The following FILIP1 variants were observed in gnomAD, a reference collection of about 807,000 sequenced individuals.
FILIP1 encodes filamin A interacting protein 1, also known as filamin-A-interacting protein 1.
FILIP1 carries 61 observed loss-of-function variants against 102.1 expected under a neutral mutation model. That is an observed-to-expected ratio of 0.60 (90% CI 0.49 to 0.74). The LOEUF (loss-of-function observed/expected upper bound fraction) is 0.74, where lower values mean the gene tolerates loss of function less well. Among genes scored for constraint, FILIP1 ranks in the 30% least tolerant of loss-of-function variants. FILIP1 has a pLI of 0.00. For missense variants in FILIP1, 1,314 were observed against 1,441.2 expected (o/e 0.91, Z 1.43); for synonymous variants, 491 against 526.9 (o/e 0.93, Z 0.93).
intron 2 of FILIP1, chr6:75,384,926 C>T (rs933321811): frequency 1.3e-5 from 2 of 149,768 alleles, no homozygotes; most frequent in East Asian, 3.9e-4. Context: ...TCCCGAGTAG[C>T]TGGGACTACA....
rs532415900 is a variant in FILIP1 at position 75,479,434 on chromosome 6, A to G, written c.-7+13980T>C. On this transcript the variant is annotated intron_variant, in intron 1 of 5. Coordinates refer to ENST00000237172, the MANE Select transcript of FILIP1 (RefSeq NM_015687.5). ...GGGTATTGAATTTTTTGTCTTTGTC[A>G]ATGTATTTGTTGAAATAATACATCT... is the stretch of plus-strand genomic sequence containing the variant. Among the ~76,000 whole-genome samples the G allele has an allele frequency of 2.6e-5, 4 of 152,242 alleles. No individual in the cohort carries two copies. In the South Asian group the frequency reaches 8.3e-4, roughly 32 times the overall value.
At chr6:75,467,844 G>A (rs553334540) in intron 1 of FILIP1, among the ~76,000 whole-genome samples, 67 of 152,306 alleles carry the variant, frequency 4.4e-4, no homozygotes, top group African/African-American at 1.5e-3. Context: ...GAATGGATAC[G>A]AAGGACAAGA....
exon 7 of FILIP1, chr6:75,295,738 A>G: frequency 2.5e-6 from 1 of 405,876 alleles, no homozygotes; most frequent in Non-Finnish European, 4.3e-6. Flanking sequence ...TATTATCAGC[A>G]AGGCCATTTT....
intron 4 of FILIP1, among the ~76,000 whole-genome samples, chr6:75,343,855 T>A (rs1337568410): frequency 6.6e-6 from 1 of 152,234 alleles, no homozygotes; most frequent in Non-Finnish European, 1.5e-5. Context: ...TTTATTATTG[T>A]AACCCTTGGT....
At chr6:75,393,665 G>A (rs866672566) in intron 2 of FILIP1, among the ~76,000 whole-genome samples, 1 of 152,090 alleles carries the variant, frequency 6.6e-6, no homozygotes, top group Admixed American at 6.6e-5. Context: ...CATATCATAA[G>A]GTAAAATAGC....
chr6:75,441,888 A>AC (rs1216283775), intron 1 of FILIP1, among the ~76,000 whole-genome samples: 137 of 109,736 alleles, frequency 1.2e-3, no homozygotes, highest in African/African-American at 4.5e-3. Context: ...CGGGGGGTAG[A>AC]CCCCCCCACC....
intron 1 of FILIP1, among the ~76,000 whole-genome samples, chr6:75,446,021 A>G (rs1454369988): frequency 1.3e-5 from 2 of 152,168 alleles, no homozygotes; most frequent in African/African-American, 2.4e-5. Context: ...TACTTTGAGA[A>G]CTAATGTCAA....
chr6:75,423,275 T>C (rs1333755968), intron 1 of FILIP1, among the ~76,000 whole-genome samples: 3 of 152,166 alleles, frequency 2.0e-5, no homozygotes, highest in African/African-American at 7.2e-5. Context: ...TAAAAATTTG[T>C]CATTTTGAAG....
chr6:75,484,553 A>G (rs958938602), intron 1 of FILIP1, among the ~76,000 whole-genome samples: 1 of 152,190 alleles, frequency 6.6e-6, no homozygotes, highest in Non-Finnish European at 1.5e-5. Context: ...AAATAGACCA[A>G]TACTTGGGCA....
chr6:75,404,027 C>A (rs940471775), intron 2 of FILIP1, among the ~76,000 whole-genome samples: 16 of 152,132 alleles, frequency 1.1e-4, no homozygotes, highest in African/African-American at 3.9e-4. Flanking sequence ...TTCTGGACCT[C>A]ATTAATTCCA....
chr6:75,481,741 G>C (rs753779633), intron 1 of FILIP1, among the ~76,000 whole-genome samples: 33 of 152,108 alleles, frequency 2.2e-4, no homozygotes, highest in Non-Finnish European at 3.7e-4. Context: ...TTGCCTGATT[G>C]AGCCCCAGGA....
chr6:75,329,778 T>C (rs1412169669), intron 4 of FILIP1, among the ~76,000 whole-genome samples: 1 of 152,204 alleles, frequency 6.6e-6, no homozygotes, highest in Non-Finnish European at 1.5e-5. Flanking sequence ...AAATTTTTAA[T>C]CTTTAATTTT....
chr6:75,445,726 T>C (rs112631704), intron 1 of FILIP1, among the ~76,000 whole-genome samples: 11 of 151,502 alleles, frequency 7.3e-5, no homozygotes, highest in African/African-American at 2.4e-4. Flanking sequence ...ATAGTCTATA[T>C]ATTTGTAGAT....
At position 75,389,510 on chromosome 6, in the gene FILIP1, T is replaced by C. The variant is rs144606950; in HGVS notation, c.276+25187A>G. On this transcript the variant is annotated intron_variant, in intron 2 of 5. Coordinates refer to ENST00000237172, the MANE Select transcript of FILIP1 (RefSeq NM_015687.5). ...GTGAATCCATCTGGTTCTGGGCTTT[T>C]TTTTGTTGGTAGGCTATTAATTACT... 9.6e-3 allele frequency among the ~76,000 whole-genome samples: 1,466 copies of C among 152,306 alleles called. 11 individuals are homozygous for C. Among genetic ancestry groups the C allele is most frequent in the Non-Finnish European group, 0.017 (1,135 of 68,018 alleles).
intron 1 of FILIP1, among the ~76,000 whole-genome samples, chr6:75,463,110 CA>C (rs1436548147): frequency 6.6e-6 from 1 of 152,146 alleles, no homozygotes; most frequent in African/African-American, 2.4e-5. Context: ...CAAGAAAGGA[CA>C]TATCTGTGAG....
intron 1 of FILIP1, among the ~76,000 whole-genome samples, chr6:75,441,438 C>G (rs746457851): frequency 5.6e-4 from 85 of 152,170 alleles, no homozygotes; most frequent in Non-Finnish European, 1.1e-3. Flanking sequence ...CCTTTCCCCC[C>G]CTTCTATTCC....
downstream of FILIP1, among the ~76,000 whole-genome samples, chr6:75,303,178 GAATA>G (rs1047553516): frequency 6.6e-6 from 1 of 152,150 alleles, no homozygotes; most frequent in African/African-American, 2.4e-5. Flanking sequence ...TTGAGATGGA[GAATA>G]ATAAGAGAAG....
At chr6:75,305,151 T>G (rs751399943), downstream of FILIP1, among the ~76,000 whole-genome samples, 1 of 152,080 alleles carries the variant, frequency 6.6e-6, no homozygotes, top group African/African-American at 2.4e-5. Flanking sequence ...TTGGGAAAAT[T>G]TGGGAATCAT....
intron 4 of FILIP1, among the ~76,000 whole-genome samples, chr6:75,327,644 A>G (rs537566299): frequency 6.6e-6 from 1 of 151,216 alleles, no homozygotes; most frequent in East Asian, 1.9e-4. Flanking sequence ...TCTCCCTCAT[A>G]TATATTTAAG....
Sources: gnomAD v4.1 joint callset for allele counts (sites outside exome capture counted in the v4.1 genomes callset) on GRCh38, gnomAD v4.1.1 for gene constraint, MANE v1.5 for transcripts, NCBI Gene and HGNC (gene_info 2026-07-23, HGNC 2026-07-21) for gene names.